Variants in STT3A observed in about 807,000 individuals in gnomAD.
The protein encoded by STT3A is STT3 oligosaccharyltransferase complex catalytic subunit A.
STT3A carries 34 observed loss-of-function variants against 89.2 expected under a neutral mutation model. That is an observed-to-expected ratio of 0.38 (90% CI 0.29 to 0.51). The LOEUF (loss-of-function observed/expected upper bound fraction) is 0.51. Among genes scored for constraint, STT3A ranks in the 20% least tolerant of loss-of-function variants. STT3A has a pLI of 0.89. For synonymous variants in STT3A, 282 were observed against 310.3 expected (o/e 0.91, Z 0.96); for missense variants, 555 against 889.5 (o/e 0.62, Z 4.78).
intron 3 of STT3A, among the ~76,000 whole-genome samples, chr11:125,598,195 G>C (rs1039162726): frequency 1.3e-5 from 2 of 151,818 alleles, no homozygotes; most frequent in African/African-American, 4.8e-5. Flanking sequence ...CTGGGCTACA[G>C]AGCAAGGCTC....
At chr11:125,620,155 C>T in intron 17 of STT3A, 29 bp downstream of exon 17, 1 of 1,569,590 alleles carries the variant, frequency 6.4e-7, no homozygotes, top group Admixed American at 1.8e-5. Context: ...TCTCAGAAAG[C>T]AACTTTTATT....
intron 15 of STT3A, among the ~76,000 whole-genome samples, chr11:125,615,489 GA>G (rs965690651): frequency 2.6e-5 from 4 of 151,118 alleles, no homozygotes; most frequent in South Asian, 2.1e-4. Flanking sequence ...AAATATTTGT[GA>G]AAAAAAATCA....
chr11:125,620,242 T>G, intron 17 of STT3A, 116 bp downstream of exon 17: 1 of 768,562 alleles, frequency 1.3e-6, no homozygotes, highest in Non-Finnish European at 2.1e-6. Flanking sequence ...ACACCTGTGC[T>G]TGAAAAGTAG....
rs1487126189 is a variant in STT3A at position 125,616,533 on chromosome 11, A to T, written c.1775-1840A>T. 2.6e-5 allele frequency among the ~76,000 whole-genome samples: 4 copies of T among 152,358 alleles called. No homozygotes were observed. In the South Asian group the frequency reaches 8.3e-4, roughly 32 times the overall value. On this transcript the variant is annotated intron_variant, in intron 15 of 17. Transcript: ENST00000392708. ...TGAATTTATTTTTCAAGGTCAAATT[A>T]TTCATTGGGCTTTACTAATAGGAGT...
At chr11:125,612,509 T>C (rs1158898546) in intron 11 of STT3A, 83 bp from the exon 12 acceptor site, 24 of 1,476,146 alleles carry the variant, frequency 1.6e-5, no homozygotes, top group South Asian at 2.8e-5. Flanking sequence ...AACCCCTAAA[T>C]TGATGTCTTG....
chr11:125,620,990 A>C lies in STT3A; in HGVS notation c.*180A>C, dbSNP rs1283567030. On this transcript the variant is annotated 3_prime_UTR_variant, in exon 18 of 18. Transcript: ENST00000392708. ...TGGGCCAAATGAAATGATTTTTATA[A>C]TTCTAAACAGGTTACCAAATGAAAT... The C allele has an allele frequency of 2.1e-6, 1 of 481,484 alleles. No individual in the cohort carries two copies. The highest frequency in any genetic ancestry group is 3.6e-6 in the Non-Finnish European group (1 of 275,148). The allele number at this position is 481,484 out of a possible 1,614,324, so 29.8% of individuals were successfully genotyped here. A position where few individuals can be genotyped will look rare whatever the true frequency, so the allele number is the denominator to read the frequency against.
At position 125,601,623 on chromosome 11, in the gene STT3A, C is replaced by CA. The variant is rs201843061; in HGVS notation, c.150-669dup. On this transcript the variant is annotated intron_variant, in intron 3 of 17. Transcript: ENST00000392708. The stretch of plus-strand genomic sequence containing the variant: ...GGGCAACAAGAGCGAAACTCTGTCT[C>CA]AAAAAAAAAAATAAATAAGAAAGCC... Among the ~76,000 whole-genome samples the CA allele has an allele frequency of 1.3e-3, 185 of 145,332 alleles. 1 individual carries two copies. Among genetic ancestry groups the CA allele is most frequent in the African/African-American group, 3.3e-3 (131 of 39,808 alleles).
upstream of STT3A, chr11:125,592,318 ACTGT>A (rs1939321877): frequency 2.3e-6 from 1 of 431,764 alleles, no homozygotes; most frequent in African/African-American, 2.0e-5. Flanking sequence ...CAAAAGACGA[ACTGT>A]CTGGACCAGT....
intron 15 of STT3A, among the ~76,000 whole-genome samples, chr11:125,615,216 G>A (rs1940141685): frequency 6.6e-6 from 1 of 152,080 alleles, no homozygotes; most frequent in South Asian, 2.1e-4. Context: ...GCAGTGGGCT[G>A]ACATTGCGCC....
upstream of STT3A, chr11:125,592,692 G>A (rs2135891530): frequency 2.9e-6 from 1 of 347,896 alleles, no homozygotes; most frequent in East Asian, 7.7e-5. Context: ...AGACTGCTAA[G>A]TGATAGCTGT....
At position 125,614,270 on chromosome 11, in the gene STT3A, G is replaced by T; in HGVS notation, c.1672-54G>T. The T allele has an allele frequency of 8.7e-6, 14 of 1,612,666 alleles. No individual in the cohort carries two copies. The South Asian group carries it at 1.4e-4, about 16-fold the overall frequency. ...TCTAATGGGAAATGTGTCTGCATGA[G>T]GGGATCATATGACTTGGGATTTTGC... On this transcript the variant is annotated intron_variant, in intron 14 of 17. Transcript: ENST00000392708. The surrounding 1 kb of genome is among the most constrained non-coding windows in gnomAD (Gnocchi z 4.9).
At position 125,618,375 on chromosome 11, in the gene STT3A, A is replaced by C; in HGVS notation, c.1777A>C (p.Ile593Leu). 6.3e-7 allele frequency: 1 copy of C among 1,577,630 alleles called. No homozygotes were observed. Among genetic ancestry groups the C allele is most frequent in the Non-Finnish European group, 8.6e-7 (1 of 1,166,482 alleles). The change falls in exon 16 of 18, where the codon ATC becomes CTC. Residue 593 changes from isoleucine to leucine, a missense_variant and splice_region_variant. By Grantham distance (5) the Ile-to-Leu change is conservative. Transcript: ENST00000392708. The stretch of plus-strand genomic sequence containing the variant: ...TTCTTTTTTTTTTTTTCTCCTAGAT[A>C]TCAACAAGTTTCTTTGGATGGTCCG... ...GGLTGYSSDD[I>L]NKFLWMVRIG...
intron 3 of STT3A, among the ~76,000 whole-genome samples, chr11:125,600,497 G>A (rs904642825): frequency 4.6e-5 from 7 of 151,958 alleles, no homozygotes; most frequent in African/African-American, 1.5e-4. Flanking sequence ...GAGTAGCTGG[G>A]ACTACAGGCG....
Position 125,609,428 on chromosome 11 carries a change from T to C in STT3A, c.962-6T>C. 1.0e-5 allele frequency: 16 copies of C among 1,598,788 alleles called. No homozygotes were observed. Among genetic ancestry groups the C allele is most frequent in the Non-Finnish European group, 1.4e-5 (16 of 1,174,242 alleles). On this transcript the variant is annotated splice_polypyrimidine_tract_variant and splice_region_variant and intron_variant, in intron 9 of 17. Transcript: ENST00000392708. Reference sequence around the variant, plus strand: ...TGTGGAATATTTATTGCCTCTTTGCTGCTAGGAAAAATATCTCCCTGGACG... The same window carrying C: ...TGTGGAATATTTATTGCCTCTTTGCCGCTAGGAAAAATATCTCCCTGGACG...
At chr11:125,596,052 G>A (rs766272268) in intron 2 of STT3A, 49 bp downstream of exon 2, 1 of 1,440,764 alleles carries the variant, frequency 6.9e-7, no homozygotes, top group Non-Finnish European at 9.6e-7. Context: ...AAAGAAGAAA[G>A]TCTAGAAAAA....
rs1939843663 is a variant in STT3A, at chr11:125,606,483, T to C, written c.780+18T>C. ...GTTTCCAGGTGAGCCCTTGACTGAG[T>C]AGGGTTTTCAGCTTCTACTTTTTCT... is the stretch of plus-strand genomic sequence containing the variant. On this transcript the variant is annotated intron_variant, in intron 8 of 17. Coordinates refer to ENST00000392708, the MANE Select transcript of STT3A (RefSeq NM_152713.5). The C allele has an allele frequency of 1.2e-6, 2 of 1,600,244 alleles. No homozygotes were observed. The highest frequency in any genetic ancestry group is 4.5e-5 in the East Asian group (2 of 44,734).
Position 125,602,859 on chromosome 11 carries a change from A to G in STT3A, c.328A>G (p.Ile110Val), listed in dbSNP as rs774740808. ...YHVLHFFHITIDIRNVCVFLA... is the reference protein window; with the variant it reads ...YHVLHFFHITVDIRNVCVFLA... ...TGTACTCCATTTTTTCCACATCACCATCGACATTCGGAATGTCTGTGTGTT... is the reference window on the plus strand; with the variant it reads ...TGTACTCCATTTTTTCCACATCACCGTCGACATTCGGAATGTCTGTGTGTT... Residue 110 changes from isoleucine to valine, a missense_variant, in exon 5 of 18, where the codon ATC becomes GTC. Physicochemically the swap from Ile to Val is conservative, Grantham distance 29. Around this residue, in one of 5 missense-constraint regions of STT3A, gnomAD observed 129 missense variants for 193.2 expected, o/e 0.67. Transcript: ENST00000392708. 26 of 1,614,014 alleles carry G rather than the reference A, an allele frequency of 1.6e-5. No homozygotes were observed. In the South Asian group the frequency reaches 2.1e-4, roughly 13 times the overall value.
At position 125,594,532 on chromosome 11, in the gene STT3A, C is replaced by T. The variant is rs567029897; in HGVS notation, c.-35-1349C>T. Among the ~76,000 whole-genome samples, 80 of 138,960 alleles carry T rather than the reference C, an allele frequency of 5.8e-4. 4 individuals carry two copies. The highest frequency in any genetic ancestry group is 3.5e-4 in the African/African-American group (13 of 37,054). 91.2% of individuals were successfully genotyped at this position (138,960 alleles called of 152,430 possible). ...GAGGTGGATGGAGGTTGCAGTGAGC[C>T]GAGATGGCACCACTGCACTCTAGCC... On this transcript the variant is annotated intron_variant, in intron 1 of 17. Transcript: ENST00000392708.
rs754013957 is a variant in STT3A at position 125,612,795 on chromosome 11, G to A, written c.1365+48G>A. On this transcript the variant is annotated intron_variant, in intron 12 of 17. Transcript: ENST00000392708. ...GACTTGGGAAACTCTGTGTGTGTGT[G>A]TGTATGTGTGTATGTGGGCAGCGGG... 3.8e-6 allele frequency: 6 copies of A among 1,591,122 alleles called. No individual in the cohort carries two copies. The African/African-American group carries it at 8.1e-5, about 21-fold the overall frequency.
Sources: gnomAD v4.1 joint callset for allele counts (sites outside exome capture counted in the v4.1 genomes callset) on GRCh38, gnomAD v4.1.1 for gene constraint, gnomAD v4.1.1 regional missense constraint, Gnocchi (gnomAD v3.1) non-coding constraint, MANE v1.5 for transcripts, NCBI Gene and HGNC (gene_info 2026-07-23, HGNC 2026-07-21) for gene names.